The following STPG4 variants were observed in gnomAD, a reference collection of about 807,000 sequenced individuals.
STPG4 encodes the protein sperm-tail PG-rich repeat containing 4.
In STPG4, 41 loss-of-function variants were observed where a neutral mutation model predicts 31.5. The ratio of observed to expected loss-of-function variants is 1.30; its 90% CI spans 1.01 to 1.69. The LOEUF (loss-of-function observed/expected upper bound fraction) is 1.69. Ranked by LOEUF, STPG4 falls within the 40% of genes most tolerant of loss-of-function variation. The pLI is 0.00. For missense variants in STPG4, 375 were observed against 293.4 expected, an observed-to-expected ratio of 1.28 and a Z score of -2.03; for synonymous variants, 141 against 103.0, an observed-to-expected ratio of 1.37 and a Z score of -2.24.
intron 5 of STPG4, among the ~76,000 whole-genome samples, chr2:47,118,583 G>A (rs765676688): frequency 1.6e-4 from 25 of 152,228 alleles, no homozygotes; most frequent in Non-Finnish European, 3.4e-4. Context: ...CCAGTCCCTG[G>A]TGCCAAAAAG....
chr2:47,127,532 G>A (rs1418945445), intron 5 of STPG4, among the ~76,000 whole-genome samples: 2 of 152,022 alleles, frequency 1.3e-5, no homozygotes, highest in Non-Finnish European at 2.9e-5. Context: ...GCCTCCCAAA[G>A]TGCTGGGATT....
chr2:47,111,674 A>C (rs1686038512), intron 5 of STPG4, among the ~76,000 whole-genome samples: 1 of 152,154 alleles, frequency 6.6e-6, no homozygotes, highest in Admixed American at 6.5e-5. Flanking sequence ...CTGTGGGTAA[A>C]AAAAAAATGG....
At chr2:47,134,899 A>G (rs551098411) in intron 3 of STPG4, among the ~76,000 whole-genome samples, 1 of 152,268 alleles carries the variant, frequency 6.6e-6, no homozygotes, top group Non-Finnish European at 1.5e-5. Flanking sequence ...GGGCCATTTC[A>G]TATTTGTGTA....
intron 5 of STPG4, among the ~76,000 whole-genome samples, chr2:47,121,882 G>A (rs1472770417): frequency 5.0e-5 from 5 of 99,846 alleles, no homozygotes; most frequent in Non-Finnish European, 8.8e-5. Context: ...GTGTGTGTGT[G>A]TGTGTGTAAT....
chr2:47,107,249 C>T lies in STPG4; in HGVS notation c.520-16875G>A, dbSNP rs557458342. On this transcript the variant is annotated intron_variant, in intron 5 of 6. Coordinates refer to ENST00000445927, the MANE Select transcript of STPG4 (RefSeq NM_001163561.2). ...TTTCTGGGCTGGCCAAGGCCAGAGCCGGCTCCCTCAGCTTGCAGGGAGGTG... is the reference window on the plus strand; with the variant it reads ...TTTCTGGGCTGGCCAAGGCCAGAGCTGGCTCCCTCAGCTTGCAGGGAGGTG... Among the ~76,000 whole-genome samples the T allele has an allele frequency of 1.9e-3, 285 of 152,184 alleles. 4 individuals carry two copies. Among genetic ancestry groups the T allele is most frequent in the Non-Finnish European group, 3.3e-3 (225 of 68,020 alleles).
intron 5 of STPG4, among the ~76,000 whole-genome samples, chr2:47,101,647 A>C (rs1304134097): frequency 6.6e-6 from 1 of 151,862 alleles, no homozygotes; most frequent in Non-Finnish European, 1.5e-5. Flanking sequence ...TCAGAAAGAC[A>C]TAATTTTTGC....
intron 5 of STPG4, among the ~76,000 whole-genome samples, chr2:47,113,774 C>T (rs1686087804): frequency 6.6e-6 from 1 of 152,020 alleles, no homozygotes; most frequent in African/African-American, 2.4e-5. Flanking sequence ...GTGGCTCATG[C>T]CTGTAATCCC....
At chr2:47,115,652 CTTT>C (rs70940657) in intron 5 of STPG4, among the ~76,000 whole-genome samples, 1 of 113,306 alleles carries the variant, frequency 8.8e-6, no homozygotes, top group Non-Finnish European at 1.7e-5. Flanking sequence ...ACATTAAAGG[CTTT>C]TTTTTTTTTT....
intron 4 of STPG4, 56 bp downstream of exon 4, chr2:47,130,140 A>G: frequency 6.6e-7 from 1 of 1,525,984 alleles, no homozygotes; most frequent in Non-Finnish European, 9.1e-7. Context: ...AGCCAGGAGT[A>G]TTGGCGTGTA....
At chr2:47,096,417 G>A (rs1685669867) in intron 5 of STPG4, among the ~76,000 whole-genome samples, 1 of 152,190 alleles carries the variant, frequency 6.6e-6, no homozygotes, top group Admixed American at 6.5e-5. Context: ...TAGAGAGAAG[G>A]ATGTTATTCA....
intron 5 of STPG4, among the ~76,000 whole-genome samples, chr2:47,112,922 G>A (rs1487200167): frequency 1.3e-5 from 2 of 151,180 alleles, no homozygotes; most frequent in Admixed American, 1.3e-4. Flanking sequence ...AGCCCGGGAG[G>A]TGGAGCCTGC....
At chr2:47,096,767 G>C (rs1685677862) in intron 5 of STPG4, among the ~76,000 whole-genome samples, 1 of 152,192 alleles carries the variant, frequency 6.6e-6, no homozygotes, top group African/African-American at 2.4e-5. Context: ...ATTTCGTCTA[G>C]GATCATTGAC....
At chr2:47,097,110 G>A (rs1685688569) in intron 5 of STPG4, among the ~76,000 whole-genome samples, 2 of 152,096 alleles carry the variant, frequency 1.3e-5, no homozygotes, top group South Asian at 4.1e-4. Context: ...CTGGCGGAGT[G>A]CACTCAGATT....
At chr2:47,104,656 G>T (rs1340372149) in intron 5 of STPG4, among the ~76,000 whole-genome samples, 2 of 151,898 alleles carry the variant, frequency 1.3e-5, no homozygotes, top group South Asian at 2.1e-4. Context: ...GTTTGATCAG[G>T]CACTGGCCCA....
rs59579520 is a variant in STPG4 at position 47,125,724 on chromosome 2, A to ATTT, written c.519+4214_519+4216dup. On this transcript the variant is annotated intron_variant, in intron 5 of 6. Transcript: ENST00000445927. ...TTCATAGTTTGAGGTCTTAGATTTA[A>ATTT]TTTTTTTTTTTTTAACTAGAGACAG... Among the ~76,000 whole-genome samples the ATTT allele has an allele frequency of 6.4e-3, 961 of 149,258 alleles. 8 individuals are homozygous for ATTT. Among genetic ancestry groups the ATTT allele is most frequent in the African/African-American group, 0.021 (845 of 40,728 alleles).
At chr2:47,095,232 T>C (rs1429344997) in intron 5 of STPG4, among the ~76,000 whole-genome samples, 1 of 152,076 alleles carries the variant, frequency 6.6e-6, no homozygotes. Context: ...GGAAATAGGG[T>C]TGTTGCAGAT....
intron 5 of STPG4, among the ~76,000 whole-genome samples, chr2:47,116,802 A>G (rs1686162691): frequency 6.6e-6 from 1 of 152,200 alleles, no homozygotes; most frequent in Admixed American, 6.5e-5. Flanking sequence ...TGAAAAGGCA[A>G]AATCCTCCAC....
intron 3 of STPG4, among the ~76,000 whole-genome samples, chr2:47,149,839 C>T (rs1386387455): frequency 6.6e-6 from 1 of 152,206 alleles, no homozygotes; most frequent in African/African-American, 2.4e-5. Flanking sequence ...ACTCTTATCC[C>T]TTGAACAGAC....
chr2:47,113,892 G>T (rs1384245689), intron 5 of STPG4, among the ~76,000 whole-genome samples: 1 of 152,006 alleles, frequency 6.6e-6, no homozygotes, highest in East Asian at 1.9e-4. Context: ...AAATTAGCCA[G>T]GTGTGGTGGC....
Sources: gnomAD v4.1 joint callset for allele counts (sites outside exome capture counted in the v4.1 genomes callset) on GRCh38, gnomAD v4.1.1 for gene constraint, MANE v1.5 for transcripts, NCBI Gene and HGNC (gene_info 2026-07-23, HGNC 2026-07-21) for gene names.